The following ESD variants were observed in gnomAD, a reference collection of about 807,000 sequenced individuals.
ESD encodes S-formylglutathione hydrolase.
In ESD, 34 loss-of-function variants were observed where a neutral mutation model predicts 38.1. The observed-to-expected ratio is 0.89, with a 90% CI of 0.68 to 1.19. The LOEUF is 1.19. Among genes scored for constraint, ESD ranks in the 50% most tolerant of loss-of-function variants. The pLI is 0.00. For synonymous variants in ESD, 97 were observed against 107.0 expected, an observed-to-expected ratio of 0.91 and a Z score of 0.58; for missense variants, 334 against 327.2, an observed-to-expected ratio of 1.02 and a Z score of -0.16.
chr13:46,776,345 A>C (rs946356352), intron 9 of ESD: 2 of 152,140 alleles, frequency 1.3e-5, no homozygotes, highest in Admixed American at 6.6e-5. Flanking sequence ...TGCATAAGTT[A>C]CGTAGGCAGC....
chr13:46,774,711 T>C (rs1364127296), intron 9 of ESD, among the ~76,000 whole-genome samples: 1 of 152,230 alleles, frequency 6.6e-6, no homozygotes, highest in Non-Finnish European at 1.5e-5. Flanking sequence ...TTTTCTTATA[T>C]ATTTTCCAGA....
chr13:46,775,989 C>A (rs2794657), intron 9 of ESD: 157,025 of 227,744 alleles, frequency 0.69, 56,458 homozygotes, highest in African/African-American at 0.93. Flanking sequence ...AATTTTGGGC[C>A]CAGTCTTTGG....
At chr13:46,778,674 A>G (rs1874890039) in intron 8 of ESD, among the ~76,000 whole-genome samples, 1 of 151,806 alleles carries the variant, frequency 6.6e-6, no homozygotes, top group Non-Finnish European at 1.5e-5. Context: ...TTTCGTGACA[A>G]AACAGCTCAG....
Position 46,797,001 on chromosome 13 carries a change from A to C in ESD, c.-56+104T>G, listed in dbSNP as rs1388229618. ...GCCGTCTCTGCGCTCGTGCCTGCGG[A>C]TACCTGCACCGCAGGACTCGGCGTC... is the stretch of plus-strand genomic sequence containing the variant. On this transcript the variant is annotated intron_variant, in intron 1 of 9. Coordinates refer to ENST00000378720, the MANE Select transcript of ESD (RefSeq NM_001984.2). 3.9e-5 allele frequency: 6 copies of C among 152,530 alleles called. No homozygotes were observed. In the East Asian group the frequency reaches 1.2e-3, roughly 29 times the overall value. The allele number at this position is 152,530 out of a possible 1,614,324, so 9.4% of individuals were successfully genotyped here.
intron 9 of ESD, among the ~76,000 whole-genome samples, chr13:46,774,651 G>C (rs925994532): frequency 1.1e-4 from 17 of 152,278 alleles, no homozygotes; most frequent in African/African-American, 3.8e-4. Context: ...CTCTCAAAAA[G>C]GGAGCAGTGC....
In ESD at chr13:46,796,676, G is replaced by A. The variant is rs74080950; in HGVS notation, c.-56+429C>T. On this transcript the variant is annotated intron_variant, in intron 1 of 9. Coordinates refer to ENST00000378720, the MANE Select transcript of ESD (RefSeq NM_001984.2). ...ACGCGGACGCTGCCTAGAGCAGCAG[G>A]TCCACACTCCCCCGAACCAGGCGCC... Among the ~76,000 whole-genome samples the A allele has an allele frequency of 3.6e-3, 547 of 152,368 alleles. 3 individuals are homozygous for A. Among genetic ancestry groups the A allele is most frequent in the African/African-American group, 0.013 (528 of 41,600 alleles).
At chr13:46,788,646 G>T (rs73193056) in intron 3 of ESD, among the ~76,000 whole-genome samples, 16,074 of 146,036 alleles carry the variant, frequency 0.11, 1,185 homozygotes, top group East Asian at 0.4. Flanking sequence ...ATGTTCAACA[G>T]TGGTATGATT....
chr13:46,796,667 G>A (rs754252345), intron 1 of ESD, among the ~76,000 whole-genome samples: 3 of 152,224 alleles, frequency 2.0e-5, no homozygotes, highest in African/African-American at 7.2e-5. Context: ...ACGCTGCCTA[G>A]AGCAGCAGGT....
rs559857104 is a variant in ESD at position 46,771,509 on chromosome 13, G to A, written c.769-13C>T. ...TATGATCATAACCCTAGAAGATAAA[G>A]AGATGATAAGACATTTATCTACCAT... On this transcript the variant is annotated splice_polypyrimidine_tract_variant and intron_variant, in intron 9 of 9. Transcript: ENST00000378720. The A allele has an allele frequency of 5.3e-4, 786 of 1,481,690 alleles. 18 individuals carry two copies. In the South Asian group the frequency reaches 8.7e-3, roughly 16 times the overall value. The allele number at this position is 1,481,690 out of a possible 1,614,324, so 91.8% of individuals were successfully genotyped here. A position where few individuals can be genotyped will look rare whatever the true frequency, so the allele number is the denominator to read the frequency against.
intron 9 of ESD, among the ~76,000 whole-genome samples, chr13:46,772,301 C>A (rs998518988): frequency 6.6e-6 from 1 of 152,130 alleles, no homozygotes; most frequent in Admixed American, 6.5e-5. Context: ...TCTATCCAGT[C>A]ATTTAAAACC....
intron 3 of ESD, among the ~76,000 whole-genome samples, chr13:46,790,008 A>ATATTT (rs1555293852): frequency 1.5e-5 from 2 of 136,050 alleles, no homozygotes; most frequent in African/African-American, 2.8e-5. Context: ...ATATATATAT[A>ATATTT]TTTTTTTTTT....
Position 46,779,956 on chromosome 13 carries a change from T to C in ESD, c.579A>G (p.Gly193=). ...CTACCTTCCATTTACTTTGATCTGTTCCCAAATATCCACTAAAGGCTTTTT... is the reference window on the plus strand; with the variant it reads ...CTACCTTCCATTTACTTTGATCTGTCCCCAAATATCCACTAAAGGCTTTTT... The part of the protein sequence containing the change: ...WGKKAFSGYL[G]TDQSKWKAYD... The change falls in exon 8 of 10, where the codon GGA becomes GGG. Residue 193 remains glycine, a synonymous_variant. Transcript: ENST00000378720. 1.2e-6 allele frequency: 2 copies of C among 1,605,920 alleles called. No individual in the cohort carries two copies. The highest frequency in any genetic ancestry group is 1.7e-6 in the Non-Finnish European group (2 of 1,174,496).
chr13:46,796,856 C>A (rs771971216), intron 1 of ESD, among the ~76,000 whole-genome samples: 1 of 152,256 alleles, frequency 6.6e-6, no homozygotes, highest in Non-Finnish European at 1.5e-5. Flanking sequence ...CGGGCGCTCG[C>A]CCCGGGTTAC....
Position 46,791,332 on chromosome 13 carries a change from T to C in ESD, c.68+14A>G, listed in dbSNP as rs752471516. The C allele has an allele frequency of 8.8e-6, 14 of 1,591,334 alleles. No homozygotes were observed. In the South Asian group the frequency reaches 1.5e-4, roughly 17 times the overall value. On this transcript the variant is annotated intron_variant, in intron 3 of 9. Transcript: ENST00000378720. ...AGAATGAGGTATCTAAAATTATATC[T>C]TCTTAATAGTTACCTGTCATGTTCA...
At chr13:46,783,767 T>C (rs992108107) in intron 5 of ESD, among the ~76,000 whole-genome samples, 1 of 151,952 alleles carries the variant, frequency 6.6e-6, no homozygotes, top group Non-Finnish European at 1.5e-5. Flanking sequence ...GTCTGATGCA[T>C]TGAGTCTCAC....
intron 7 of ESD, among the ~76,000 whole-genome samples, chr13:46,780,768 G>A (rs559547444): frequency 6.5e-4 from 98 of 151,768 alleles, no homozygotes; most frequent in East Asian, 3.9e-4. Flanking sequence ...GAAAGAAACT[G>A]TTATGAGAAA....
chr13:46,789,470 T>G (rs1875313247), intron 3 of ESD, among the ~76,000 whole-genome samples: 1 of 152,220 alleles, frequency 6.6e-6, no homozygotes, highest in African/African-American at 2.4e-5. Context: ...TCTCAATGTT[T>G]GAGAATTTTC....
At chr13:46,794,481 G>A (rs545535305) in intron 1 of ESD, among the ~76,000 whole-genome samples, 17 of 151,428 alleles carry the variant, frequency 1.1e-4, no homozygotes, top group African/African-American at 2.7e-4. Flanking sequence ...CTACAGGTGC[G>A]TACCACACTG....
chr13:46,779,872 T>C lies in ESD; in HGVS notation c.600+63A>G, dbSNP rs538054680. The C allele has an allele frequency of 1.7e-5, 22 of 1,306,726 alleles. No individual in the cohort carries two copies. The African/African-American group carries it at 1.9e-4, about 12-fold the overall frequency. 80.9% of individuals were successfully genotyped at this position (1,306,726 alleles called of 1,614,324 possible). ...GAGCAGGGTAGGAATATAATATATGTCCAACCTTTTAAACAAACTTGAAAC... is the reference window on the plus strand; with the variant it reads ...GAGCAGGGTAGGAATATAATATATGCCCAACCTTTTAAACAAACTTGAAAC... On this transcript the variant is annotated intron_variant, in intron 8 of 9. Coordinates refer to ENST00000378720, the MANE Select transcript of ESD (RefSeq NM_001984.2).
Sources: gnomAD v4.1 joint callset for allele counts (sites outside exome capture counted in the v4.1 genomes callset) on GRCh38, gnomAD v4.1.1 for gene constraint, MANE v1.5 for transcripts, NCBI Gene and HGNC (gene_info 2026-07-23, HGNC 2026-07-21) for gene names.